The following GALNT18 variants were observed in gnomAD, a reference collection of about 807,000 sequenced individuals.
GALNT18 encodes the protein polypeptide N-acetylgalactosaminyltransferase 18.
A neutral mutation model predicts 69.5 loss-of-function variants in GALNT18; 44 were observed. The ratio of observed to expected loss-of-function variants is 0.63; its 90% CI spans 0.50 to 0.81. The LOEUF is 0.81. Among genes scored for constraint, GALNT18 ranks in the 40% least tolerant of loss-of-function variants. The pLI, the probability that GALNT18 is intolerant of heterozygous loss-of-function variation, is 0.00. For synonymous variants in GALNT18, 364 were observed against 318.2 expected (o/e 1.14, Z -1.53); for missense variants, 715 against 810.0 (o/e 0.88, Z 1.42).
At chr11:11,594,999 GTA>G (rs1554956061) in intron 1 of GALNT18, among the ~76,000 whole-genome samples, 1 of 147,794 alleles carries the variant, frequency 6.8e-6, no homozygotes, top group African/African-American at 2.6e-5. Flanking sequence ...GTGTGTGTGT[GTA>G]TATATATCTA....
chr11:11,374,635 A>G (rs72853187), intron 5 of GALNT18, among the ~76,000 whole-genome samples: 9,246 of 152,330 alleles, frequency 0.061, 371 homozygotes, highest in Middle Eastern at 0.2. Context: ...AGCACAGGCC[A>G]CCTCAGTGGT....
chr11:11,277,452 C>A (rs1848973443), intron 10 of GALNT18, among the ~76,000 whole-genome samples: 1 of 152,086 alleles, frequency 6.6e-6, no homozygotes, highest in Non-Finnish European at 1.5e-5. Context: ...AAAAAACCAG[C>A]CCCTGGATTC....
chr11:11,565,550 T>G (rs1380135916), intron 1 of GALNT18, among the ~76,000 whole-genome samples: 2 of 152,130 alleles, frequency 1.3e-5, no homozygotes, highest in Non-Finnish European at 2.9e-5. Context: ...AGGCTGGAAA[T>G]TCCACAAGAT....
intron 10 of GALNT18, among the ~76,000 whole-genome samples, chr11:11,280,103 AAAGC>A (rs1849038091): frequency 6.6e-6 from 1 of 152,096 alleles, no homozygotes; most frequent in African/African-American, 2.4e-5. Context: ...TCACACAAAT[AAAGC>A]AAGATTCCTC....
At chr11:11,417,148 C>A (rs564702449) in intron 3 of GALNT18, among the ~76,000 whole-genome samples, 46 of 152,340 alleles carry the variant, frequency 3.0e-4, no homozygotes, top group African/African-American at 9.4e-4. Context: ...GGGACAGAAT[C>A]CACACCACCA....
intron 1 of GALNT18, among the ~76,000 whole-genome samples, chr11:11,589,669 C>A (rs79543613): frequency 0.069 from 10,569 of 152,138 alleles, 672 homozygotes; most frequent in East Asian, 0.34. Context: ...GCCCAGCCCT[C>A]CTGGGGAGAG....
chr11:11,357,113 T>C (rs1296141387), intron 6 of GALNT18, among the ~76,000 whole-genome samples: 2 of 152,108 alleles, frequency 1.3e-5, no homozygotes, highest in Non-Finnish European at 2.9e-5. Flanking sequence ...TCCTTGTATA[T>C]GGAAATCACC....
At position 11,619,218 on chromosome 11, in the gene GALNT18, G is replaced by A. The variant is rs563494641; in HGVS notation, c.235+2141C>T. Among the ~76,000 whole-genome samples, 37 of 152,234 alleles carry A rather than the reference G, an allele frequency of 2.4e-4. No homozygotes were observed. Among genetic ancestry groups the A allele is most frequent in the African/African-American group, 8.4e-4 (35 of 41,534 alleles). On this transcript the variant is annotated intron_variant, in intron 1 of 10. Coordinates refer to ENST00000227756, the MANE Select transcript of GALNT18 (RefSeq NM_198516.3). This position sits in a 1 kb window ranked among gnomAD's most constrained non-coding sequence, Gnocchi z 4.9. The stretch of plus-strand genomic sequence containing the variant: ...TAGGTGGCAGCTTTGGCCCTCTGTC[G>A]AGATTGTGGTTATTTCTGAATACCC...
At chr11:11,292,953 A>G (rs1849329064) in intron 10 of GALNT18, 76 bp downstream of exon 10, 2 of 1,282,850 alleles carry the variant, frequency 1.6e-6, no homozygotes, top group Admixed American at 6.1e-5. Flanking sequence ...CTCCTCCACC[A>G]CCTCCCTGGC....
chr11:11,368,647 T>A lies in GALNT18; in HGVS notation c.1092+3868A>T, dbSNP rs941130968. Among the ~76,000 whole-genome samples, 3 of 152,246 alleles carry A rather than the reference T, an allele frequency of 2.0e-5. No homozygotes were observed. In the East Asian group the frequency reaches 5.8e-4, roughly 29 times the overall value. On this transcript the variant is annotated intron_variant, in intron 6 of 10. Transcript: ENST00000227756. ...AGCCGTTCTGCCCATCTGTTGAGCTTTTGTCTTTCTTACATTTTTCATGTT... is the reference window on the plus strand; with the variant it reads ...AGCCGTTCTGCCCATCTGTTGAGCTATTGTCTTTCTTACATTTTTCATGTT...
rs1167766606 is a variant in GALNT18 at position 11,435,275 on chromosome 11, G to C, written c.429-2488C>G. ...CCTACTCTCTTCCCTTCTTACTTCT[G>C]AACGTGGTGCCCAGTCTCCCCCTTC... On this transcript the variant is annotated intron_variant, in intron 2 of 10. Transcript: ENST00000227756. The surrounding 1 kb of genome is among the most constrained non-coding windows in gnomAD (Gnocchi z 4.4). Among the ~76,000 whole-genome samples, 1 of 152,130 alleles carries C rather than the reference G, an allele frequency of 6.6e-6. No individual in the cohort carries two copies. Among genetic ancestry groups the C allele is most frequent in the East Asian group, 1.9e-4 (1 of 5,182 alleles).
intron 1 of GALNT18, among the ~76,000 whole-genome samples, chr11:11,574,564 A>C (rs1858873519): frequency 6.6e-6 from 1 of 152,192 alleles, no homozygotes; most frequent in Non-Finnish European, 1.5e-5. Context: ...AAAGGAATCC[A>C]CAGCATCATG....
chr11:11,290,841 C>T (rs1849284414), intron 10 of GALNT18, among the ~76,000 whole-genome samples: 1 of 152,148 alleles, frequency 6.6e-6, no homozygotes, highest in Non-Finnish European at 1.5e-5. Context: ...CTTGTGACCT[C>T]CATAGACTCT....
At chr11:11,287,559 A>G (rs1159832620) in intron 10 of GALNT18, among the ~76,000 whole-genome samples, 1 of 152,106 alleles carries the variant, frequency 6.6e-6, no homozygotes, top group African/African-American at 2.4e-5. Context: ...TTTCACAGAA[A>G]TCCATCACTG....
chr11:11,384,821 G>A (rs1474182409), intron 3 of GALNT18, among the ~76,000 whole-genome samples: 9 of 152,170 alleles, frequency 5.9e-5, no homozygotes, highest in Admixed American at 5.9e-4. Flanking sequence ...ATGGGACTTT[G>A]TTATAGCAGC....
At chr11:11,298,800 T>C (rs1849443921) in intron 9 of GALNT18, among the ~76,000 whole-genome samples, 1 of 152,238 alleles carries the variant, frequency 6.6e-6, no homozygotes, top group Admixed American at 6.5e-5. Flanking sequence ...CAGGTTATGA[T>C]GAATTTTAAG....
intron 1 of GALNT18, among the ~76,000 whole-genome samples, chr11:11,507,763 GA>G (rs1280168284): frequency 6.6e-6 from 1 of 152,180 alleles, no homozygotes; most frequent in Non-Finnish European, 1.5e-5. Flanking sequence ...ATTAACATTT[GA>G]GTCAGTGGAC....
At chr11:11,408,298 G>C (rs1016969627) in intron 3 of GALNT18, among the ~76,000 whole-genome samples, 1 of 145,062 alleles carries the variant, frequency 6.9e-6, no homozygotes, top group African/African-American at 2.6e-5. Flanking sequence ...CCGGGAGGCA[G>C]AGGCTGCAGT....
chr11:11,577,271 G>A lies in GALNT18; in HGVS notation c.235+44088C>T, dbSNP rs574851671. Among the ~76,000 whole-genome samples, 16 of 152,222 alleles carry A rather than the reference G, an allele frequency of 1.1e-4. 1 individual carries two copies. In the South Asian group the frequency reaches 3.1e-3, roughly 30 times the overall value. ...AACTTCACACCCACCAGACCCTGGT[G>A]GACTCAGCAGATGAGCGGAGACGAC... On this transcript the variant is annotated intron_variant, in intron 1 of 10. Transcript: ENST00000227756.
Sources: gnomAD v4.1 joint callset for allele counts (sites outside exome capture counted in the v4.1 genomes callset) on GRCh38, gnomAD v4.1.1 for gene constraint, Gnocchi (gnomAD v3.1) non-coding constraint, MANE v1.5 for transcripts, NCBI Gene and HGNC (gene_info 2026-07-23, HGNC 2026-07-21) for gene names.